Variants in NR2C2 observed in about 807,000 individuals in gnomAD.
NR2C2 encodes Nuclear hormone receptor TR4.
In NR2C2, 6 loss-of-function variants were observed where a neutral mutation model predicts 62.9. That is an observed-to-expected ratio of 0.10 (90% CI 0.05 to 0.19). NR2C2 has a LOEUF of 0.19. Among genes scored for constraint, NR2C2 ranks in the 10% least tolerant of loss-of-function variants. NR2C2 has a pLI of 1.00. For missense variants in NR2C2, 479 were observed against 762.7 expected (o/e 0.63, Z 4.38); for synonymous variants, 272 against 273.8 (o/e 0.99, Z 0.07).
In NR2C2 at chr3:15,029,792, AATAGATAGATAG is replaced by A. The variant is rs144596298; in HGVS notation, c.933-443_933-432del. Among the ~76,000 whole-genome samples, 525 of 139,286 alleles carry A rather than the reference AATAGATAGATAG, an allele frequency of 3.8e-3. 3 individuals are homozygous for A. Among genetic ancestry groups the A allele is most frequent in the Middle Eastern group, 0.021 (6 of 286 alleles). The allele number at this position is 139,286 out of a possible 152,430, so 91.4% of individuals were successfully genotyped here. ...CCCATCTCTGAAAAAGTAAATAAAT[AATAGATAGATAG>A]ATAGATAGATAGATAGATAGATAGA... On this transcript the variant is annotated intron_variant, in intron 8 of 13. Transcript: ENST00000425241.
chr3:15,013,734 G>C lies in NR2C2; in HGVS notation c.218G>C (p.Ser73Thr). 6.2e-7 allele frequency: 1 copy of C among 1,614,186 alleles called. No individual in the cohort carries two copies. Among genetic ancestry groups the C allele is most frequent in the Non-Finnish European group, 8.5e-7 (1 of 1,180,022 alleles). Residue 73 changes from serine to threonine, a missense_variant, in exon 3 of 14, where the codon AGC becomes ACC. By Grantham distance (58) the Ser-to-Thr change is moderately conservative. Coordinates refer to ENST00000425241, the MANE Select transcript of NR2C2 (RefSeq NM_001291694.2). ...KVILASPETS[S>T]AKQLIFTTSD... ...ATCCTGGCTTCCCCAGAGACATCCAGCGCCAAGCAACTCATATTCACCACC... is the reference window on the plus strand; with the variant it reads ...ATCCTGGCTTCCCCAGAGACATCCACCGCCAAGCAACTCATATTCACCACC...
chr3:14,968,209 A>G (rs184849428), intron 1 of NR2C2, among the ~76,000 whole-genome samples: 1 of 152,164 alleles, frequency 6.6e-6, no homozygotes, highest in South Asian at 2.1e-4. Context: ...GCAACCTACA[A>G]AATGGGAGAA....
rs752343619 is a variant in NR2C2, at chr3:15,038,183, A to G, written c.1510+46A>G. The G allele has an allele frequency of 5.1e-6, 8 of 1,554,152 alleles. No homozygotes were observed. The South Asian group carries it at 8.4e-5, about 16-fold the overall frequency. The stretch of plus-strand genomic sequence containing the variant: ...GCATGACCCCTTTCCACCTGTATCT[A>G]CTGATGTTTCTGAACGTGAACATGT... On this transcript the variant is annotated intron_variant, in intron 12 of 13. Transcript: ENST00000425241.
chr3:15,024,587 C>T (rs1012077558), intron 7 of NR2C2, among the ~76,000 whole-genome samples: 3 of 152,212 alleles, frequency 2.0e-5, no homozygotes, highest in Non-Finnish European at 2.9e-5. Flanking sequence ...ATTAGATGAT[C>T]TTCAGGAGGA....
At chr3:15,038,393 A>G (rs1406901674) in intron 12 of NR2C2, 2 of 319,046 alleles carry the variant, frequency 6.3e-6, no homozygotes, top group African/African-American at 2.2e-5. Context: ...TAATTAAACC[A>G]TTGGCCAAAC....
chr3:15,032,617 AGGAC>A, intron 10 of NR2C2, 117 bp downstream of exon 10: 1 of 1,237,848 alleles, frequency 8.1e-7, no homozygotes, highest in Non-Finnish European at 1.1e-6. Context: ...CCTCATTCAA[AGGAC>A]CCTGAGTTTT....
At chr3:15,007,495 C>T (rs1352808592) in intron 2 of NR2C2, among the ~76,000 whole-genome samples, 2 of 152,182 alleles carry the variant, frequency 1.3e-5, no homozygotes, top group Admixed American at 6.5e-5. Context: ...TCTTTTCCCT[C>T]ATAACATGTA....
rs372044110 is a variant in NR2C2 at position 15,024,227 on chromosome 3, G to C, written c.798+19G>C. 1 of 1,537,658 alleles carries C rather than the reference G, an allele frequency of 6.5e-7. No homozygotes were observed. The highest frequency in any genetic ancestry group is 1.2e-5 in the South Asian group (1 of 85,830). ...TTCTAAGGTGACGTTCTCTACTCAT[G>C]CTCTCTCTCATCCTTTATGTTGACA... On this transcript the variant is annotated intron_variant, in intron 7 of 13. Transcript: ENST00000425241.
chr3:14,988,692 C>G (rs914927879), intron 1 of NR2C2, among the ~76,000 whole-genome samples: 2 of 152,144 alleles, frequency 1.3e-5, no homozygotes, highest in Non-Finnish European at 2.9e-5. Flanking sequence ...GGTGAAGGGA[C>G]TTATAGTCAA....
At chr3:15,020,535 T>A (rs1000323582) in intron 4 of NR2C2, among the ~76,000 whole-genome samples, 3 of 152,200 alleles carry the variant, frequency 2.0e-5, no homozygotes, top group Admixed American at 6.5e-5. Flanking sequence ...TTTCAGTATT[T>A]CCATCATGAA....
At position 15,005,611 on chromosome 3, in the gene NR2C2, A is replaced by C. The variant is rs180734476; in HGVS notation, c.72+1625A>C. On this transcript the variant is annotated intron_variant, in intron 2 of 13. Transcript: ENST00000425241. ...ACAGACAGGATCATAGGGCACTACAACCTCAAACTCCTGAGCCCAAGCTGT... is the reference window on the plus strand; with the variant it reads ...ACAGACAGGATCATAGGGCACTACACCCTCAAACTCCTGAGCCCAAGCTGT... Among the ~76,000 whole-genome samples the C allele has an allele frequency of 3.3e-5, 5 of 149,564 alleles. No individual in the cohort carries two copies. In the East Asian group the frequency reaches 9.9e-4, roughly 30 times the overall value.
At chr3:15,040,027 C>T (rs756801387) in intron 13 of NR2C2, among the ~76,000 whole-genome samples, 15 of 151,918 alleles carry the variant, frequency 9.9e-5, no homozygotes, top group Admixed American at 7.2e-4. Flanking sequence ...CGGTGGTAGG[C>T]GCCTGTAATC....
At chr3:15,030,203 T>C (rs2041943751) in intron 8 of NR2C2, 72 bp from the exon 9 acceptor site, 2 of 1,286,804 alleles carry the variant, frequency 1.6e-6, no homozygotes, top group Non-Finnish European at 2.2e-6. Flanking sequence ...TTTTTCTAAA[T>C]CATAGCTAGA....
chr3:15,010,729 T>A (rs982812976), intron 2 of NR2C2, among the ~76,000 whole-genome samples: 3 of 146,702 alleles, frequency 2.0e-5, no homozygotes, highest in African/African-American at 5.2e-5. Flanking sequence ...AAAAAAAAAA[T>A]TCTGAGCCTT....
At chr3:14,983,914 G>A (rs1341729767) in intron 1 of NR2C2, among the ~76,000 whole-genome samples, 1 of 152,022 alleles carries the variant, frequency 6.6e-6, no homozygotes, top group Non-Finnish European at 1.5e-5. Flanking sequence ...TTGAGATGGA[G>A]TTTCACTCCT....
chr3:15,041,447 T>C (rs866792765), intron 13 of NR2C2, among the ~76,000 whole-genome samples: 2 of 152,320 alleles, frequency 1.3e-5, no homozygotes, highest in Non-Finnish European at 1.5e-5. Flanking sequence ...GGTGCTGGAA[T>C]GCTACCTGCA....
At chr3:14,948,094 C>G (rs954974722) in intron 1 of NR2C2, 188 bp downstream of exon 1, 14 of 152,240 alleles carry the variant, frequency 9.2e-5, no homozygotes, top group African/African-American at 2.4e-4. Flanking sequence ...CGCCCGCGGC[C>G]GGGCGAAGCG....
At chr3:14,949,063 C>T (rs887103222) in intron 1 of NR2C2, among the ~76,000 whole-genome samples, 4 of 152,114 alleles carry the variant, frequency 2.6e-5, no homozygotes, top group African/African-American at 9.7e-5. Flanking sequence ...GAGCACAATT[C>T]GGGAGTGATT....
intron 1 of NR2C2, chr3:14,959,494 T>G (rs1052467707): frequency 6.6e-6 from 1 of 152,162 alleles, no homozygotes; most frequent in African/African-American, 2.4e-5. Flanking sequence ...AATTTCTCTC[T>G]CACTCTTAGT....
Sources: gnomAD v4.1 joint callset for allele counts (sites outside exome capture counted in the v4.1 genomes callset) on GRCh38, gnomAD v4.1.1 for gene constraint, MANE v1.5 for transcripts, NCBI Gene and HGNC (gene_info 2026-07-23, HGNC 2026-07-21) for gene names.